The following ARCN1 variants were observed in gnomAD, a reference collection of about 807,000 sequenced individuals.
The protein encoded by ARCN1 is archain 1 coat protein complex I subunit delta, also known as coatomer subunit delta.
In ARCN1, 5 loss-of-function variants were observed where a neutral mutation model predicts 60.4. That is an observed-to-expected ratio of 0.08 (90% CI 0.04 to 0.17). The LOEUF (loss-of-function observed/expected upper bound fraction) is 0.17, where lower values mean the gene tolerates loss of function less well. ARCN1 is among the 10% of genes least tolerant of loss of function. ARCN1 has a pLI of 1.00. For synonymous variants in ARCN1, 224 were observed against 220.0 expected, an observed-to-expected ratio of 1.02 and a Z score of -0.16; for missense variants, 464 against 626.5, an observed-to-expected ratio of 0.74 and a Z score of 2.77.
At chr11:118,574,211 T>G (rs148462408) in intron 1 of ARCN1, among the ~76,000 whole-genome samples, 2 of 152,336 alleles carry the variant, frequency 1.3e-5, no homozygotes, top group African/African-American at 4.8e-5. Context: ...CCCACAGATT[T>G]GTGTACTCTG....
intron 5 of ARCN1, among the ~76,000 whole-genome samples, chr11:118,585,306 A>G (rs1938754455): frequency 6.6e-6 from 1 of 151,914 alleles, no homozygotes; most frequent in South Asian, 2.1e-4. Flanking sequence ...TCAGCCACCT[A>G]TTTTCTATGA....
In ARCN1 at chr11:118,602,153, T is replaced by C. The variant is rs782787295; in HGVS notation, c.*1439T>C. 5.2e-6 allele frequency: 1 copy of C among 193,514 alleles called. No individual in the cohort carries two copies. The highest frequency in any genetic ancestry group is 1.1e-5 in the Non-Finnish European group (1 of 92,684). The allele number at this position is 193,514 out of a possible 1,614,324, so 12.0% of individuals were successfully genotyped here. ...GCATTTCAGGAGGCAACTGATTGTT[T>C]CGATATGTACATATTACTCACGTAT... On this transcript the variant is annotated 3_prime_UTR_variant, in exon 10 of 10. Coordinates refer to ENST00000264028, the MANE Select transcript of ARCN1 (RefSeq NM_001655.5).
At chr11:118,574,582 A>G (rs563201816) in intron 1 of ARCN1, among the ~76,000 whole-genome samples, 1 of 152,150 alleles carries the variant, frequency 6.6e-6, no homozygotes, top group African/African-American at 2.4e-5. Context: ...TAAGTTGCAG[A>G]TATCAGTACG....
chr11:118,584,585 T>A lies in ARCN1; in HGVS notation c.759T>A (p.Ser253Arg). ...KSEGETIMSS[S>R]MGKRTSEATK... is the part of the protein sequence containing the mutation. The stretch of plus-strand genomic sequence containing the variant: ...AAGGTGAAACCATCATGTCCTCTAG[T>A]ATGGGCAAGCGTACTTCTGAAGCAA... Residue 253 changes from serine to arginine, a missense_variant, in exon 5 of 10, where the codon AGT (serine) becomes AGA (arginine). Transcript: ENST00000264028. 1.9e-6 allele frequency: 3 copies of A among 1,613,874 alleles called. No individual in the cohort carries two copies. The highest frequency in any genetic ancestry group is 2.5e-6 in the Non-Finnish European group (3 of 1,179,964).
At chr11:118,598,811 T>G (rs1939087864) in intron 9 of ARCN1, among the ~76,000 whole-genome samples, 1 of 151,794 alleles carries the variant, frequency 6.6e-6, no homozygotes, top group Non-Finnish European at 1.5e-5. Context: ...TTTCCTTTTT[T>G]TCTGAGACGG....
chr11:118,594,398 C>T (rs1555076816), intron 8 of ARCN1, among the ~76,000 whole-genome samples: 1 of 151,856 alleles, frequency 6.6e-6, no homozygotes, highest in African/African-American at 2.4e-5. Flanking sequence ...CCACACCCAG[C>T]CAAGAATTGC....
chr11:118,582,565 A>G (rs1190176125), intron 2 of ARCN1, among the ~76,000 whole-genome samples: 2 of 150,876 alleles, frequency 1.3e-5, no homozygotes, highest in Non-Finnish European at 3.0e-5. Context: ...TCTCTACTCA[A>G]AATACAAAAA....
intron 2 of ARCN1, among the ~76,000 whole-genome samples, chr11:118,582,135 C>A (rs1013296927): frequency 6.6e-6 from 1 of 152,030 alleles, no homozygotes; most frequent in Admixed American, 6.6e-5. Flanking sequence ...CACAGCAAGA[C>A]CCTGATTCTT....
At position 118,581,619 on chromosome 11, in the gene ARCN1, G is replaced by A. The variant is rs11216912; in HGVS notation, c.267+110G>A. 74 of 1,109,026 alleles carry A rather than the reference G, an allele frequency of 6.7e-5. 1 individual carries two copies. In the African/African-American group the frequency reaches 8.4e-4, roughly 13 times the overall value. 68.7% of individuals were successfully genotyped at this position (1,109,026 alleles called of 1,614,324 possible). On this transcript the variant is annotated intron_variant, in intron 2 of 9. Coordinates refer to ENST00000264028, the MANE Select transcript of ARCN1 (RefSeq NM_001655.5). ...TAACCAGTTTGCAGGTTCCTACTCC[G>A]CACCCCAGCGACTTATTGCTGCAGC...
rs1555077442 is a variant in ARCN1, at chr11:118,597,777, C to G, written c.1312C>G (p.Leu438Val). 1.2e-6 allele frequency: 2 copies of G among 1,614,142 alleles called. No homozygotes were observed. The highest frequency in any genetic ancestry group is 2.2e-5 in the East Asian group (1 of 44,888). The change falls in exon 9 of 10, where the codon CTG (leucine) becomes GTG (valine). Residue 438 changes from leucine to valine, a missense_variant. Leu to Val is a conservative substitution (Grantham distance 32). Around this residue, in one of 2 missense-constraint regions of ARCN1, gnomAD observed 359 missense variants for 440.2 expected, o/e 0.82. Transcript: ENST00000264028. ...TCGACATGACAGTCGACGAAATACC[C>G]TGGAGTGGTGCCTGCCTGTGATTGA... ...EYRHDSRRNT[L>V]EWCLPVIDAK...
rs1398344242 is a variant in ARCN1, at chr11:118,593,633, C to T, written c.1176C>T (p.Asn392=). ...AGAGTGGAAATGGCTGTGATGTCAA[C>T]ATAGAATATGAGCTACAAGAAGATA... ...PSESGNGCDV[N]IEYELQEDNL... is the part of the protein sequence containing the mutation. The change falls in exon 8 of 10, where the codon AAC becomes AAT. Residue 392 remains asparagine, a synonymous_variant. Transcript: ENST00000264028. 2 of 1,613,792 alleles carry T rather than the reference C, an allele frequency of 1.2e-6. No homozygotes were observed. Among genetic ancestry groups the T allele is most frequent in the Admixed American group, 1.7e-5 (1 of 59,994 alleles).
At position 118,590,323 on chromosome 11, in the gene ARCN1, A is replaced by G; in HGVS notation, c.819-18A>G. On this transcript the variant is annotated intron_variant, in intron 5 of 9. Transcript: ENST00000264028. ...GGTTTCTACCTTTCTGAACAAATGT[A>G]TTACTTTCTCTTTATAGTGTACATA... 1.2e-6 allele frequency: 2 copies of G among 1,604,002 alleles called. No homozygotes were observed. The highest frequency in any genetic ancestry group is 1.7e-6 in the Non-Finnish European group (2 of 1,172,756).
chr11:118,601,887 C>G lies in ARCN1; in HGVS notation c.*1173C>G. The G allele has an allele frequency of 1.7e-6, 1 of 593,004 alleles. No homozygotes were observed. Among genetic ancestry groups the G allele is most frequent in the East Asian group, 2.8e-5 (1 of 35,904 alleles). 36.7% of individuals were successfully genotyped at this position (593,004 alleles called of 1,614,324 possible). A position where few individuals can be genotyped will look rare whatever the true frequency, so the allele number is the denominator to read the frequency against. On this transcript the variant is annotated 3_prime_UTR_variant, in exon 10 of 10. Coordinates refer to ENST00000264028, the MANE Select transcript of ARCN1 (RefSeq NM_001655.5). ...AATCATGTCTGCTGCTGTTGCTACC[C>G]AAATTTTCATTTCTCCACATTTTGG...
At chr11:118,585,746 C>T (rs1219246046) in intron 5 of ARCN1, among the ~76,000 whole-genome samples, 1 of 152,036 alleles carries the variant, frequency 6.6e-6, no homozygotes, top group Non-Finnish European at 1.5e-5. Context: ...GCCTTGTTGC[C>T]CAGGCTGGTC....
chr11:118,591,028 G>A (rs1418657031), intron 6 of ARCN1, among the ~76,000 whole-genome samples: 1 of 152,180 alleles, frequency 6.6e-6, no homozygotes, highest in Non-Finnish European at 1.5e-5. Context: ...CAGGCGTGGT[G>A]GCACAATGCG....
At position 118,601,943 on chromosome 11, in the gene ARCN1, CTG is replaced by C. The variant is rs1255823491; in HGVS notation, c.*1231_*1232del. ...TAAGCTAAAACGTAATGGCCACAGTCTGTAATCCATTCACATTCCTCAGTTTC... is the reference window on the plus strand; with the variant it reads ...TAAGCTAAAACGTAATGGCCACAGTCTAATCCATTCACATTCCTCAGTTTC... On this transcript the variant is annotated 3_prime_UTR_variant, in exon 10 of 10. Coordinates refer to ENST00000264028, the MANE Select transcript of ARCN1 (RefSeq NM_001655.5). 5.5e-6 allele frequency: 3 copies of C among 550,382 alleles called. No homozygotes were observed. The highest frequency in any genetic ancestry group is 2.3e-5 in the South Asian group (1 of 42,780). The allele number at this position is 550,382 out of a possible 1,614,324, so 34.1% of individuals were successfully genotyped here.
intron 2 of ARCN1, 67 bp downstream of exon 2, chr11:118,581,576 C>T (rs1938650616): frequency 2.0e-6 from 3 of 1,522,134 alleles, no homozygotes; most frequent in African/African-American, 1.4e-5. Context: ...CTAGTTTTTC[C>T]TCCAAAGCAG....
chr11:118,592,943 A>G (rs1938945245), intron 7 of ARCN1, 87 bp downstream of exon 7: 2 of 1,328,134 alleles, frequency 1.5e-6, no homozygotes, highest in South Asian at 1.8e-5. Context: ...TTTTATTACC[A>G]TAGCAAAGTT....
At position 118,592,798 on chromosome 11, in the gene ARCN1, C is replaced by T. The variant is rs201898520; in HGVS notation, c.1074C>T (p.Asp358=). The T allele has an allele frequency of 3.7e-6, 6 of 1,614,034 alleles. No individual in the cohort carries two copies. Among genetic ancestry groups the T allele is most frequent in the African/African-American group, 1.3e-5 (1 of 75,002 alleles). The change falls in exon 7 of 10, where the codon GAC becomes GAT. Residue 358 remains aspartate (D), a synonymous_variant. Coordinates refer to ENST00000264028, the MANE Select transcript of ARCN1 (RefSeq NM_001655.5). ...NPEKSFPVNS[D]VGVLKWRLQT... is the part of the protein sequence containing the mutation. ...AGAAGTCATTTCCAGTCAACAGTGACGTAGGGGTGCTAAAGTGGAGACTAC... is the reference window on the plus strand; with the variant it reads ...AGAAGTCATTTCCAGTCAACAGTGATGTAGGGGTGCTAAAGTGGAGACTAC...
Sources: allele counts gnomAD v4.1 joint callset (sites outside exome capture counted in the v4.1 genomes callset), GRCh38; gene constraint gnomAD v4.1.1; regional missense constraint gnomAD v4.1.1; transcripts MANE v1.5; gene names NCBI Gene and HGNC (gene_info 2026-07-23, HGNC 2026-07-21).